Variants in FRMD6 observed in about 807,000 individuals in gnomAD.
FRMD6 encodes FERM domain containing 6, also known as FERM domain-containing protein 6.
In FRMD6, 37 loss-of-function variants were observed where a neutral mutation model predicts 73.2. The ratio of observed to expected loss-of-function variants is 0.51; its 90% CI spans 0.39 to 0.66. The LOEUF (loss-of-function observed/expected upper bound fraction) is 0.66. Among genes scored for constraint, FRMD6 ranks in the 30% least tolerant of loss-of-function variants. The pLI, the probability that FRMD6 is intolerant of heterozygous loss-of-function variation, is 0.00. For synonymous variants in FRMD6, 273 were observed against 282.2 expected (o/e 0.97, Z 0.33); for missense variants, 714 against 780.5 (o/e 0.91, Z 1.02).
chr14:51,605,326 A>G (rs1287762122), intron 2 of FRMD6, among the ~76,000 whole-genome samples: 1 of 151,820 alleles, frequency 6.6e-6, no homozygotes, highest in Non-Finnish European at 1.5e-5. Flanking sequence ...GAGATTAGGG[A>G]GTGGTGATGA....
chr14:51,511,934 C>G, intron 1 of FRMD6, among the ~76,000 whole-genome samples: 1 of 151,700 alleles, frequency 6.6e-6, no homozygotes, highest in East Asian at 1.9e-4. Flanking sequence ...AACAACAGAG[C>G]TAGGGTTAAT....
chr14:51,695,634 A>T (rs1359060473), intron 2 of FRMD6, among the ~76,000 whole-genome samples: 3 of 152,178 alleles, frequency 2.0e-5, no homozygotes, highest in Non-Finnish European at 4.4e-5. Flanking sequence ...GCCCACAGGG[A>T]ATCAGATTCC....
chr14:51,460,671 T>C, the FRMD6 span, among the ~76,000 whole-genome samples: 96 of 152,334 alleles, frequency 6.3e-4, no homozygotes, highest in Non-Finnish European at 7.5e-4. Context: ...ATCAGGTTGA[T>C]TTCAAGAAAT....
At chr14:51,459,884 CTTTTTT>C in the FRMD6 span, among the ~76,000 whole-genome samples, 2 of 74,650 alleles carry the variant, frequency 2.7e-5, no homozygotes, top group Admixed American at 2.0e-4. Context: ...TACTGACTCT[CTTTTTT>C]TTTTTTTTTT....
chr14:51,516,323 C>A, intron 1 of FRMD6, among the ~76,000 whole-genome samples: 1 of 152,076 alleles, frequency 6.6e-6, no homozygotes, highest in Admixed American at 6.5e-5. Flanking sequence ...AGACATAAGG[C>A]GGGTCCATCC....
chr14:51,579,710 G>T (rs981363415), intron 2 of FRMD6, among the ~76,000 whole-genome samples: 3 of 152,122 alleles, frequency 2.0e-5, no homozygotes, highest in African/African-American at 7.2e-5. Context: ...GTTGAATCCT[G>T]CTTTTCAACT....
At chr14:51,674,509 C>T (rs189312564) in intron 1 of FRMD6, among the ~76,000 whole-genome samples, 1 of 152,242 alleles carries the variant, frequency 6.6e-6, no homozygotes, top group East Asian at 1.9e-4. Context: ...AGTCTCAGTA[C>T]TTCTGCCTTT....
rs377358768 is a variant in FRMD6, at chr14:51,660,699, T to G, written c.-147+8703T>G. Among the ~76,000 whole-genome samples the G allele has an allele frequency of 9.2e-5, 14 of 151,546 alleles. No individual in the cohort carries two copies. In the East Asian group the frequency reaches 1.7e-3, roughly 19 times the overall value. ...CATAAGAAAATAAGTGTTGTAGTAT[T>G]TTGGAAGGTAATAAGCCTGATGGGA... On this transcript the variant is annotated intron_variant, in intron 1 of 13. Coordinates refer to ENST00000344768, the MANE Select transcript of FRMD6 (RefSeq NM_001267046.2).
At chr14:51,613,743 CCTTTGAAAAA>C (rs941003040) in intron 2 of FRMD6, among the ~76,000 whole-genome samples, 1 of 151,666 alleles carries the variant, frequency 6.6e-6, no homozygotes, top group African/African-American at 2.4e-5. Context: ...GAAAAAGAGC[CCTTTGAAAAA>C]CTGATGGAAG....
intron 1 of FRMD6, among the ~76,000 whole-genome samples, chr14:51,660,179 C>G (rs565466324): frequency 3.9e-5 from 6 of 152,256 alleles, no homozygotes; most frequent in African/African-American, 1.2e-4. Context: ...GGTTTTATGT[C>G]TTTATGAAGT....
At chr14:51,440,392 G>T in the FRMD6 span, among the ~76,000 whole-genome samples, 1 of 152,134 alleles carries the variant, frequency 6.6e-6, no homozygotes, top group Admixed American at 6.5e-5. Flanking sequence ...TTATCCAAGG[G>T]TTTAGCTGGC....
intron 2 of FRMD6, among the ~76,000 whole-genome samples, chr14:51,583,049 C>CATT (rs1208095315): frequency 6.6e-6 from 1 of 152,146 alleles, no homozygotes; most frequent in African/African-American, 2.4e-5. Context: ...AAAAGATTTT[C>CATT]ATTTTATTAT....
chr14:51,702,776 C>A (rs149561409), intron 5 of FRMD6, among the ~76,000 whole-genome samples, 188 bp downstream of exon 5: 5 of 152,010 alleles, frequency 3.3e-5, no homozygotes, highest in African/African-American at 1.2e-4. Context: ...AACAGAGATA[C>A]AATAGGCATT....
rs1445398302 is a variant in FRMD6, at chr14:51,584,245, A to G, written c.-147+13835A>G. On this transcript the variant is annotated intron_variant, in intron 2 of 14. Transcript: ENST00000356218. ...AAGCCTATTTCCAATGTTCCAGGACACTCTGAAAGATTCTCCTGGCAGAGG... is the reference window on the plus strand; with the variant it reads ...AAGCCTATTTCCAATGTTCCAGGACGCTCTGAAAGATTCTCCTGGCAGAGG... The G allele has an allele frequency of 3.9e-5, 6 of 152,260 alleles. No individual in the cohort carries two copies. The East Asian group carries it at 9.6e-4, about 24-fold the overall frequency. The allele number at this position is 152,260 out of a possible 1,614,324, so 9.4% of individuals were successfully genotyped here.
the FRMD6 span, among the ~76,000 whole-genome samples, chr14:51,428,996 G>GAGAGAGAGGGGAGAGAGAGGGTGA: frequency 5.1e-3 from 230 of 44,914 alleles, 14 homozygotes; most frequent in African/African-American, 0.026. Context: ...AGAGAGGGTG[G>GAGAGAGAGGGGAGAGAGAGGGTGA]GAGAGAGAGG....
At chr14:51,529,188 G>A (rs1047386347) in intron 1 of FRMD6, among the ~76,000 whole-genome samples, 1 of 152,224 alleles carries the variant, frequency 6.6e-6, no homozygotes, top group Non-Finnish European at 1.5e-5. Context: ...GTGTCTGAAA[G>A]CATATATTAT....
At chr14:51,615,440 G>T (rs1249317913) in intron 2 of FRMD6, among the ~76,000 whole-genome samples, 1 of 152,054 alleles carries the variant, frequency 6.6e-6, no homozygotes, top group African/African-American at 2.4e-5. Context: ...TTATTCTGTG[G>T]CATAATATAA....
chr14:51,639,460 TA>T (rs1352251212), intron 2 of FRMD6, among the ~76,000 whole-genome samples: 2 of 152,024 alleles, frequency 1.3e-5, no homozygotes, highest in African/African-American at 4.8e-5. Flanking sequence ...TTATTATTAT[TA>T]AACTCCACTA....
intron 2 of FRMD6, among the ~76,000 whole-genome samples, chr14:51,621,428 T>A (rs961231597): frequency 6.6e-6 from 1 of 152,200 alleles, no homozygotes; most frequent in Non-Finnish European, 1.5e-5. Context: ...CCAGATATAC[T>A]TCCTTAGCTC....
Sources: allele counts gnomAD v4.1 joint callset (sites outside exome capture counted in the v4.1 genomes callset), GRCh38; gene constraint gnomAD v4.1.1; transcripts MANE v1.5; gene names NCBI Gene and HGNC (gene_info 2026-07-23, HGNC 2026-07-21).